Variants in NRXN1 observed in about 807,000 individuals in gnomAD.
NRXN1 encodes neurexin-1.
NRXN1 carries 39 observed loss-of-function variants against 150.9 expected under a neutral mutation model. The observed-to-expected ratio is 0.26, with a 90% CI of 0.20 to 0.34. The LOEUF is 0.34. NRXN1 is among the 10% of genes least tolerant of loss of function. The pLI, the probability that NRXN1 is intolerant of heterozygous loss-of-function variation, is 1.00. For missense variants in NRXN1, 1,815 were observed against 1,949.9 expected (o/e 0.93, Z 1.30); for synonymous variants, 924 against 757.0 (o/e 1.22, Z -3.62).
chr2:49,927,869 T>C (rs191219310), intron 22 of NRXN1, among the ~76,000 whole-genome samples: 37 of 152,282 alleles, frequency 2.4e-4, no homozygotes, highest in Non-Finnish European at 4.9e-4. Context: ...TGTAATCTTA[T>C]ATATATATTT....
intron 5 of NRXN1, among the ~76,000 whole-genome samples, chr2:50,866,252 A>G (rs890876787): frequency 1.3e-5 from 2 of 151,954 alleles, no homozygotes; most frequent in African/African-American, 4.8e-5. Flanking sequence ...GGGATGATTT[A>G]TATCTATATT....
intron 21 of NRXN1, among the ~76,000 whole-genome samples, chr2:50,037,527 G>T (rs1690225663): frequency 6.6e-6 from 1 of 152,090 alleles, no homozygotes; most frequent in Non-Finnish European, 1.5e-5. Flanking sequence ...GGGTTATGAA[G>T]TCAGAAATAT....
intron 8 of NRXN1, among the ~76,000 whole-genome samples, chr2:50,576,473 C>A (rs760470944): frequency 6.6e-6 from 1 of 152,050 alleles, no homozygotes; most frequent in East Asian, 1.9e-4. Flanking sequence ...CCTATTAAAT[C>A]ATGTTTTTAC....
chr2:50,122,027 G>A (rs574568776), intron 18 of NRXN1, among the ~76,000 whole-genome samples: 5 of 152,238 alleles, frequency 3.3e-5, no homozygotes, highest in South Asian at 2.1e-4. Flanking sequence ...TAGTTACTGC[G>A]TTTTCATAAA....
chr2:50,813,908 T>C lies in NRXN1; in HGVS notation c.832+107961A>G, dbSNP rs530184397. On this transcript the variant is annotated intron_variant, in intron 5 of 22. Coordinates refer to ENST00000401669, the MANE Select transcript of NRXN1 (RefSeq NM_001330078.2). ...ACTTTAACAATACATCTTCTGATCTTACTAATATATTTTTTATTAAGAAGC... is the reference window on the plus strand; with the variant it reads ...ACTTTAACAATACATCTTCTGATCTCACTAATATATTTTTTATTAAGAAGC... Among the ~76,000 whole-genome samples, 268 of 152,008 alleles carry C rather than the reference T, an allele frequency of 1.8e-3. 6 individuals carry two copies. The highest frequency in any genetic ancestry group is 1.7e-3 in the Non-Finnish European group (113 of 67,950).
At chr2:50,381,556 C>T (rs1416868790) in intron 17 of NRXN1, among the ~76,000 whole-genome samples, 2 of 150,320 alleles carry the variant, frequency 1.3e-5, no homozygotes, top group Non-Finnish European at 3.0e-5. Context: ...CACACACACA[C>T]ACACACACAC....
chr2:49,945,692 C>G (rs1672766337), intron 21 of NRXN1, among the ~76,000 whole-genome samples: 1 of 152,116 alleles, frequency 6.6e-6, no homozygotes, highest in African/African-American at 2.4e-5. Flanking sequence ...CCAGCTTCAT[C>G]CATGTCCCTA....
intron 17 of NRXN1, among the ~76,000 whole-genome samples, chr2:50,409,747 A>G (rs1342955633): frequency 8.5e-5 from 13 of 152,250 alleles, no homozygotes; most frequent in Non-Finnish European, 1.5e-5. Flanking sequence ...AGTTACATGT[A>G]TAAGAATGTA....
At chr2:50,425,033 T>C (rs555503390) in intron 17 of NRXN1, among the ~76,000 whole-genome samples, 4 of 152,270 alleles carry the variant, frequency 2.6e-5, no homozygotes, top group Non-Finnish European at 5.9e-5. Flanking sequence ...TAAGAAAAAT[T>C]GTGTGCAGTG....
chr2:50,944,446 A>C (rs1689995107), intron 2 of NRXN1, among the ~76,000 whole-genome samples: 1 of 152,178 alleles, frequency 6.6e-6, no homozygotes, highest in South Asian at 2.1e-4. Context: ...TTTAAGGACA[A>C]ATTAGTAAAA....
intron 5 of NRXN1, among the ~76,000 whole-genome samples, chr2:50,646,090 A>G (rs1484015015): frequency 2.6e-4 from 39 of 151,950 alleles, no homozygotes; most frequent in Admixed American, 2.6e-3. Flanking sequence ...GCATCCACAA[A>G]GATATATAGA....
At chr2:50,576,585 CCT>C (rs1471506259) in intron 8 of NRXN1, among the ~76,000 whole-genome samples, 1 of 151,930 alleles carries the variant, frequency 6.6e-6, no homozygotes, top group African/African-American at 2.4e-5. Flanking sequence ...AATTCAATAG[CCT>C]CTCTTTCATT....
At position 50,644,156 on chromosome 2, in the gene NRXN1, GA is replaced by G. The variant is rs533761082; in HGVS notation, c.833-20542del. Reference sequence around the variant, plus strand: ...TTTATATTCCTAGGATCTTCATGTGGAAAAAAAAAACTTAATGATTTAAACA... The same window carrying G: ...TTTATATTCCTAGGATCTTCATGTGGAAAAAAAAACTTAATGATTTAAACA... On this transcript the variant is annotated intron_variant, in intron 5 of 22. Transcript: ENST00000401669. Among the ~76,000 whole-genome samples, 42 of 145,106 alleles carry G rather than the reference GA, an allele frequency of 2.9e-4. 1 individual carries two copies. In the East Asian group the frequency reaches 4.8e-3, roughly 17 times the overall value.
chr2:50,382,214 T>C lies in NRXN1; in HGVS notation c.3364+83228A>G, dbSNP rs533589944. 3.9e-5 allele frequency among the ~76,000 whole-genome samples: 6 copies of C among 152,312 alleles called. No homozygotes were observed. In the East Asian group the frequency reaches 1.2e-3, roughly 29 times the overall value. ...CTAGCATACAATGTCTACTATACAG[T>C]AGGCACCAAATATCATCTTGTTAAA... On this transcript the variant is annotated intron_variant, in intron 17 of 22. Coordinates refer to ENST00000401669, the MANE Select transcript of NRXN1 (RefSeq NM_001330078.2).
chr2:50,743,077 G>T (rs1485646413), intron 5 of NRXN1, among the ~76,000 whole-genome samples: 6 of 152,158 alleles, frequency 3.9e-5, no homozygotes, highest in Admixed American at 3.9e-4. Context: ...TTTCACTATA[G>T]AGAGATGACA....
intron 8 of NRXN1, among the ~76,000 whole-genome samples, chr2:50,617,815 T>A (rs1679298075): frequency 6.6e-6 from 1 of 152,214 alleles, no homozygotes; most frequent in African/African-American, 2.4e-5. Context: ...GAATCTTTAT[T>A]TATCAATTCA....
intron 5 of NRXN1, among the ~76,000 whole-genome samples, chr2:50,680,903 CTGCCTTAAGA>C (rs1690283848): frequency 1.3e-5 from 2 of 152,126 alleles, no homozygotes; most frequent in South Asian, 4.2e-4. Context: ...GCATTGAGAC[CTGCCTTAAGA>C]TGCAGGAGGT....
chr2:50,061,003 G>A, intron 19 of NRXN1, among the ~76,000 whole-genome samples: 1 of 152,056 alleles, frequency 6.6e-6, no homozygotes, highest in Middle Eastern at 3.2e-3. Context: ...CCACCATTAG[G>A]TATAAAATAG....
chr2:50,646,659 T>C (rs1684853890), intron 5 of NRXN1, among the ~76,000 whole-genome samples: 1 of 151,628 alleles, frequency 6.6e-6, no homozygotes, highest in South Asian at 2.1e-4. Context: ...CCCCTTTTTA[T>C]GATTCCTCAA....
Sources: gnomAD v4.1 joint callset for allele counts (sites outside exome capture counted in the v4.1 genomes callset) on GRCh38, gnomAD v4.1.1 for gene constraint, MANE v1.5 for transcripts, NCBI Gene and HGNC (gene_info 2026-07-23, HGNC 2026-07-21) for gene names.